The following GXYLT2 variants were observed in gnomAD, a reference collection of about 807,000 sequenced individuals.
GXYLT2 encodes glycosyltransferase 8 domain containing 4.
A neutral mutation model predicts 45.8 loss-of-function variants in GXYLT2; 53 were observed. The observed-to-expected ratio is 1.16, with a 90% CI of 0.93 to 1.46. The LOEUF is 1.46. GXYLT2 is among the 40% of genes most tolerant of loss of function. The probability of loss-of-function intolerance (pLI) is 0.00; values close to 1 mark genes in which losing one functional copy is unlikely to be tolerated. For missense variants in GXYLT2, 551 were observed against 544.4 expected (o/e 1.01, Z -0.12); for synonymous variants, 219 against 214.2 (o/e 1.02, Z -0.19).
At chr3:72,931,531 A>G (rs1413906498) in intron 3 of GXYLT2, among the ~76,000 whole-genome samples, 1 of 152,038 alleles carries the variant, frequency 6.6e-6, no homozygotes, top group African/African-American at 2.4e-5. Context: ...GCCCGGCCTA[A>G]GTAACATACT....
rs539565210 is a variant in GXYLT2 at position 72,975,956 on chromosome 3, G to C, written c.*797G>C. ...TTTTTTTTTTTTTTTTTTTGAGACG[G>C]AATCTCACTCTGTAGCCCAGGCTAG... is the stretch of plus-strand genomic sequence containing the variant. On this transcript the variant is annotated 3_prime_UTR_variant, in exon 7 of 7. Coordinates refer to ENST00000389617, the MANE Select transcript of GXYLT2 (RefSeq NM_001080393.2). 1 of 133,864 alleles carries C rather than the reference G, an allele frequency of 7.5e-6. No individual in the cohort carries two copies. Among genetic ancestry groups the C allele is most frequent in the South Asian group, 2.3e-4 (1 of 4,370 alleles). 8.3% of individuals were successfully genotyped at this position (133,864 alleles called of 1,614,324 possible). A position where few individuals can be genotyped will look rare whatever the true frequency, so the allele number is the denominator to read the frequency against.
chr3:72,966,074 G>A (rs904792030), intron 5 of GXYLT2, among the ~76,000 whole-genome samples: 13 of 151,984 alleles, frequency 8.6e-5, no homozygotes, highest in African/African-American at 2.4e-5. Context: ...CCTGCCTTCC[G>A]GGTTCTAGAT....
At chr3:72,954,001 C>T (rs910448934) in intron 3 of GXYLT2, among the ~76,000 whole-genome samples, 4 of 152,218 alleles carry the variant, frequency 2.6e-5, no homozygotes, top group Admixed American at 6.5e-5. Context: ...TGAGGTGGGA[C>T]GACCACTTGA....
intron 5 of GXYLT2, among the ~76,000 whole-genome samples, chr3:72,961,674 A>AAAGAAAG (rs1278781750): frequency 8.4e-6 from 1 of 118,978 alleles, no homozygotes; most frequent in Non-Finnish European, 1.7e-5. Flanking sequence ...AAAAAAAAAA[A>AAAGAAAG]AGAGAGAGAG....
intron 3 of GXYLT2, among the ~76,000 whole-genome samples, chr3:72,949,502 CTTTTTTTTTTT>C (rs56323434): frequency 6.9e-5 from 5 of 72,636 alleles, no homozygotes; most frequent in Admixed American, 2.3e-4. Flanking sequence ...CTTTCTTTTT[CTTTTTTTTTTT>C]TTTTTTTTTT....
chr3:72,913,107 G>A (rs1172823679), intron 2 of GXYLT2, among the ~76,000 whole-genome samples: 5 of 148,594 alleles, frequency 3.4e-5, no homozygotes, highest in Non-Finnish European at 7.4e-5. Flanking sequence ...GCGCAATCTC[G>A]GCTCACTGCA....
intron 2 of GXYLT2, among the ~76,000 whole-genome samples, chr3:72,913,290 G>T (rs567114566): frequency 6.6e-6 from 1 of 150,908 alleles, no homozygotes; most frequent in East Asian, 2.0e-4. Context: ...CGCCCGCCTC[G>T]GCCTCCCAAA....
chr3:72,888,355 C>T lies in GXYLT2; in HGVS notation c.122C>T (p.Ser41Phe). 1 of 983,268 alleles carries T rather than the reference C, an allele frequency of 1.0e-6. No individual in the cohort carries two copies. The allele number at this position is 983,268 out of a possible 1,614,324, so 60.9% of individuals were successfully genotyped here. ...EPPALPARPA[S>F]APQRHPAPVP... The stretch of plus-strand genomic sequence containing the variant: ...CCAGCGCTGCCCGCGCGCCCCGCGT[C>T]CGCCCCGCAGCGCCACCCCGCGCCT... Residue 41 changes from serine to phenylalanine, a missense_variant, in exon 1 of 7, where the codon TCC becomes TTC. Transcript: ENST00000389617.
chr3:72,961,177 T>A (rs969981964), intron 5 of GXYLT2, among the ~76,000 whole-genome samples: 3 of 152,146 alleles, frequency 2.0e-5, no homozygotes, highest in Admixed American at 2.0e-4. Context: ...CCAACGCAGC[T>A]TCATCAAGGG....
Position 72,951,989 on chromosome 3 carries a change from G to A in GXYLT2, c.601-3109G>A, listed in dbSNP as rs572143794. ...CCTGAGTAGCTGGAATTATAGGCAC[G>A]TGACACCATGCCCAGCTTTTTTTTT... On this transcript the variant is annotated intron_variant, in intron 3 of 6. Coordinates refer to ENST00000389617, the MANE Select transcript of GXYLT2 (RefSeq NM_001080393.2). Among the ~76,000 whole-genome samples the A allele has an allele frequency of 2.1e-5, 3 of 141,018 alleles. No homozygotes were observed. In the South Asian group the frequency reaches 7.5e-4, roughly 35 times the overall value. 92.5% of individuals were successfully genotyped at this position (141,018 alleles called of 152,430 possible).
intron 3 of GXYLT2, among the ~76,000 whole-genome samples, chr3:72,949,304 C>G (rs1710469920): frequency 6.6e-6 from 1 of 152,026 alleles, no homozygotes; most frequent in African/African-American, 2.4e-5. Flanking sequence ...GTTTGCCCTG[C>G]TCTCCGCTTA....
intron 3 of GXYLT2, among the ~76,000 whole-genome samples, chr3:72,953,746 A>C (rs959547054): frequency 2.0e-5 from 3 of 152,182 alleles, no homozygotes; most frequent in Non-Finnish European, 2.9e-5. Flanking sequence ...TGATACACAA[A>C]CAAAGCTAGC....
chr3:72,923,761 G>C (rs1423459098), intron 3 of GXYLT2, among the ~76,000 whole-genome samples: 2 of 152,124 alleles, frequency 1.3e-5, no homozygotes, highest in East Asian at 3.9e-4. Flanking sequence ...GTTCCATCCT[G>C]GTCTGAGAGA....
chr3:72,954,426 T>C (rs1201738146), intron 3 of GXYLT2, among the ~76,000 whole-genome samples: 2 of 150,788 alleles, frequency 1.3e-5, no homozygotes, highest in African/African-American at 4.9e-5. Context: ...TGTGTGTGTG[T>C]GTGTGTGTAT....
At position 72,888,289 on chromosome 3, in the gene GXYLT2, T is replaced by C. The variant is rs1241518785; in HGVS notation, c.56T>C (p.Leu19Pro). The C allele has an allele frequency of 3.0e-6, 3 of 993,394 alleles. No individual in the cohort carries two copies. The highest frequency in any genetic ancestry group is 3.6e-6 in the Non-Finnish European group (3 of 837,660). The allele number at this position is 993,394 out of a possible 1,614,324, so 61.5% of individuals were successfully genotyped here. A position where few individuals can be genotyped will look rare whatever the true frequency, so the allele number is the denominator to read the frequency against. The change falls in exon 1 of 7, where the codon CTG (leucine) becomes CCG (proline). Residue 19 changes from leucine (L) to proline (P), a missense_variant. Transcript: ENST00000389617. ...ALLLLALAAL[L>P]LALLSLRAGR... The stretch of plus-strand genomic sequence containing the variant: ...CTCTTGCTCGCGCTGGCCGCGCTGC[T>C]GCTGGCGCTGCTGTCCCTGCGCGCT...
At chr3:72,927,292 T>C (rs1434202051) in intron 3 of GXYLT2, 2 of 152,150 alleles carry the variant, frequency 1.3e-5, no homozygotes, top group Non-Finnish European at 2.9e-5. Context: ...TCTGACTCCA[T>C]ATTTCCAAGA....
chr3:72,954,980 G>A (rs901748971), intron 3 of GXYLT2, 118 bp from the exon 4 acceptor site: 74 of 1,000,100 alleles, frequency 7.4e-5, no homozygotes, highest in East Asian at 5.1e-4. Context: ...AATTTAATAC[G>A]AATCAACAAA....
At chr3:72,960,557 G>A (rs1477751096) in intron 5 of GXYLT2, among the ~76,000 whole-genome samples, 3 of 152,148 alleles carry the variant, frequency 2.0e-5, no homozygotes, top group African/African-American at 7.2e-5. Context: ...TCTAAATCCT[G>A]GTTCTGCACA....
chr3:72,892,064 C>T (rs978697805), intron 1 of GXYLT2, among the ~76,000 whole-genome samples: 2 of 152,168 alleles, frequency 1.3e-5, no homozygotes, highest in Non-Finnish European at 2.9e-5. Context: ...AAGAATTTGG[C>T]ATGTGGAGTC....
Sources: allele counts gnomAD v4.1 joint callset (sites outside exome capture counted in the v4.1 genomes callset), GRCh38; gene constraint gnomAD v4.1.1; transcripts MANE v1.5; gene names NCBI Gene and HGNC (gene_info 2026-07-23, HGNC 2026-07-21).